CDH8: variants seen among roughly 807,000 people sequenced by gnomAD.
CDH8 encodes cadherin 8.
Under a neutral mutation model 68.1 loss-of-function variants are expected in CDH8, and 17 were observed. That is an observed-to-expected ratio of 0.25 (90% CI 0.17 to 0.37). The LOEUF is 0.37. Ranked by LOEUF, CDH8 falls within the 10% of genes least tolerant of loss-of-function variation. The pLI is 1.00. For missense variants in CDH8, 763 were observed against 999.3 expected (o/e 0.76, Z 3.19); for synonymous variants, 372 against 365.1 (o/e 1.02, Z -0.21).
chr16:61,750,137 C>T (rs1276387417), intron 8 of CDH8, among the ~76,000 whole-genome samples: 1 of 152,046 alleles, frequency 6.6e-6, no homozygotes, highest in African/African-American at 2.4e-5. Context: ...TGTTTACCTG[C>T]CACTTATAAG....
intron 3 of CDH8, among the ~76,000 whole-genome samples, chr16:61,874,628 T>C (rs986823311): frequency 2.6e-5 from 4 of 152,150 alleles, no homozygotes; most frequent in Admixed American, 2.6e-4. Flanking sequence ...TTTATTGAGA[T>C]GTAATCCTAA....
At position 61,953,895 on chromosome 16, in the gene CDH8, T is replaced by TTATATATATA. The variant is rs66743095; in HGVS notation, c.253-52432_253-52423dup. 4.8e-3 allele frequency among the ~76,000 whole-genome samples: 571 copies of TTATATATATA among 118,808 alleles called. 9 individuals carry two copies. The highest frequency in any genetic ancestry group is 0.014 in the African/African-American group (380 of 26,568). The allele number at this position is 118,808 out of a possible 152,430, so 77.9% of individuals were successfully genotyped here. ...CTGTCTCAAAAAGAAAAAAAAAACT[T>TTATATATATA]TATATATATATATATATATATATAT... On this transcript the variant is annotated intron_variant, in intron 2 of 11. Transcript: ENST00000577390.
intron 3 of CDH8, among the ~76,000 whole-genome samples, chr16:61,900,474 T>A (rs780500752): frequency 6.6e-6 from 1 of 152,152 alleles, no homozygotes; most frequent in Non-Finnish European, 1.5e-5. Flanking sequence ...AATGTCTGGG[T>A]TGAGGGGTTT....
At chr16:61,814,313 T>C (rs1962025012) in intron 7 of CDH8, among the ~76,000 whole-genome samples, 2 of 152,334 alleles carry the variant, frequency 1.3e-5, no homozygotes, top group African/African-American at 4.8e-5. Context: ...AGACATAGTA[T>C]TGCAGAAAGT....
At chr16:61,972,569 T>TG (rs10629724) in intron 2 of CDH8, among the ~76,000 whole-genome samples, 3,144 of 98,150 alleles carry the variant, frequency 0.032, 131 homozygotes, top group African/African-American at 0.13. Context: ...GAACACATTG[T>TG]GGGTGTGTGT....
At chr16:61,765,174 G>A (rs1960557058) in intron 8 of CDH8, among the ~76,000 whole-genome samples, 1 of 151,878 alleles carries the variant, frequency 6.6e-6, no homozygotes, top group Admixed American at 6.6e-5. Flanking sequence ...TTTTAAAAGA[G>A]GTCTTCACTG....
At chr16:61,864,292 CGGTTGGTTGGTT>C (rs59862418) in intron 3 of CDH8, among the ~76,000 whole-genome samples, 5,296 of 146,076 alleles carry the variant, frequency 0.036, 224 homozygotes, top group African/African-American at 0.11. Flanking sequence ...GCTGGATGTC[CGGTTGGTTGGTT>C]GGTTGGTTGG....
chr16:61,909,144 G>A (rs1162200387), intron 2 of CDH8, among the ~76,000 whole-genome samples: 1 of 152,106 alleles, frequency 6.6e-6, no homozygotes, highest in Non-Finnish European at 1.5e-5. Context: ...AGGCAAATGT[G>A]TAGCATTTGG....
At position 61,672,247 on chromosome 16, in the gene CDH8, A is replaced by T. The variant is rs182645558; in HGVS notation, c.1655-16526T>A. Among the ~76,000 whole-genome samples, 970 of 152,166 alleles carry T rather than the reference A, an allele frequency of 6.4e-3. 9 individuals carry two copies. Among genetic ancestry groups the T allele is most frequent in the Non-Finnish European group, 7.3e-3 (495 of 67,968 alleles). On this transcript the variant is annotated intron_variant, in intron 10 of 11. Transcript: ENST00000577390. ...GAGTTATGCTTAACAAATCCAGAGA[A>T]TTTTAGGGAATTTGTTCCCTTTCAA...
chr16:61,817,947 T>C (rs904607307), intron 6 of CDH8: 4 of 447,468 alleles, frequency 8.9e-6, no homozygotes, highest in African/African-American at 2.0e-5. Context: ...TAATCTCCTA[T>C]TGTTTTGTTT....
chr16:61,983,310 A>G (rs929334884), intron 2 of CDH8, among the ~76,000 whole-genome samples: 2 of 152,244 alleles, frequency 1.3e-5, no homozygotes. Context: ...AAAGAATGGC[A>G]AGGCAATACC....
chr16:61,676,206 A>T (rs1213488764), intron 10 of CDH8, among the ~76,000 whole-genome samples: 1 of 148,002 alleles, frequency 6.8e-6, no homozygotes, highest in Non-Finnish European at 1.5e-5. Context: ...AAATTTAACA[A>T]GTAAAATTGC....
intron 3 of CDH8, among the ~76,000 whole-genome samples, chr16:61,883,359 G>T (rs1347015861): frequency 6.6e-6 from 1 of 151,928 alleles, no homozygotes; most frequent in Non-Finnish European, 1.5e-5. Flanking sequence ...TTTTATTATA[G>T]TACTGTATGT....
intron 3 of CDH8, among the ~76,000 whole-genome samples, chr16:61,863,039 A>G (rs1963181411): frequency 1.3e-5 from 2 of 152,306 alleles, no homozygotes; most frequent in Middle Eastern, 3.4e-3. Context: ...TCCTAATTAT[A>G]ATAATATAGC....
chr16:61,916,290 G>A (rs1437496546), intron 2 of CDH8, among the ~76,000 whole-genome samples: 2 of 152,124 alleles, frequency 1.3e-5, no homozygotes, highest in African/African-American at 4.8e-5. Context: ...GAGGTGGGCA[G>A]ATCACCTGAG....
At chr16:61,966,925 C>T (rs1965261288) in intron 2 of CDH8, among the ~76,000 whole-genome samples, 1 of 152,108 alleles carries the variant, frequency 6.6e-6, no homozygotes, top group South Asian at 2.1e-4. Context: ...GGAACATGGG[C>T]CAGGCATGGT....
chr16:61,800,428 C>A (rs1961595116), intron 7 of CDH8, among the ~76,000 whole-genome samples: 1 of 152,206 alleles, frequency 6.6e-6, no homozygotes, highest in African/African-American at 2.4e-5. Flanking sequence ...TCACTACAGT[C>A]TACACCCTGT....
chr16:61,728,716 A>T (rs1959449363), intron 8 of CDH8, among the ~76,000 whole-genome samples: 1 of 151,132 alleles, frequency 6.6e-6, no homozygotes, highest in African/African-American at 2.4e-5. Context: ...TTAAATATTT[A>T]CTTCCGTTTT....
rs537968677 is a variant in CDH8 at position 61,879,975 on chromosome 16, G to C, written c.547+21204C>G. On this transcript the variant is annotated intron_variant, in intron 3 of 11. Transcript: ENST00000577390. ...GAGTCTTGCTCTGTCACCCAGGCTG[G>C]AGTGCAGTGGTGCCATCTCGGCTCA... Among the ~76,000 whole-genome samples, 3 of 152,158 alleles carry C rather than the reference G, an allele frequency of 2.0e-5. No individual in the cohort carries two copies. The East Asian group carries it at 5.8e-4, about 30-fold the overall frequency.
Sources: gnomAD v4.1 joint callset for allele counts (sites outside exome capture counted in the v4.1 genomes callset) on GRCh38, gnomAD v4.1.1 for gene constraint, MANE v1.5 for transcripts, NCBI Gene and HGNC (gene_info 2026-07-23, HGNC 2026-07-21) for gene names.